The following WLS variants were observed in gnomAD, a reference collection of about 807,000 sequenced individuals.
WLS encodes the protein protein wntless homolog.
In WLS, 23 loss-of-function variants were observed where a neutral mutation model predicts 62.8. The ratio of observed to expected loss-of-function variants is 0.37; its 90% CI spans 0.26 to 0.52. The LOEUF is 0.52. Among genes scored for constraint, WLS ranks in the 20% least tolerant of loss-of-function variants. The pLI is 0.92. For synonymous variants in WLS, 246 were observed against 244.1 expected (o/e 1.01, Z -0.07); for missense variants, 615 against 697.3 (o/e 0.88, Z 1.33).
intron 11 of WLS, among the ~76,000 whole-genome samples, chr1:68,107,112 CATTT>C (rs1449514215): frequency 6.6e-6 from 1 of 152,134 alleles, no homozygotes; most frequent in Admixed American, 6.5e-5. Context: ...TGTGTCTTTC[CATTT>C]ATTTATGAAA....
At chr1:68,148,251 G>A (rs767307033) in intron 7 of WLS, 52 bp from the exon 8 acceptor site, 50 of 1,582,726 alleles carry the variant, frequency 3.2e-5, no homozygotes, top group Middle Eastern at 1.7e-4. Context: ...CAAAGGCAAC[G>A]GGAACTTTCC....
intron 1 of WLS, among the ~76,000 whole-genome samples, chr1:68,201,051 T>G (rs1648986200): frequency 2.0e-5 from 3 of 152,212 alleles, no homozygotes; most frequent in African/African-American, 7.2e-5. Context: ...GTTTAGAAAT[T>G]AGCTTTAAAT....
intron 2 of WLS, among the ~76,000 whole-genome samples, chr1:68,180,247 A>G (rs1647475416): frequency 6.6e-6 from 1 of 151,862 alleles, no homozygotes. Flanking sequence ...AAACAACTTC[A>G]GCTATTAGAA....
intron 11 of WLS, among the ~76,000 whole-genome samples, chr1:68,127,927 G>A (rs1405483815): frequency 2.0e-5 from 3 of 152,134 alleles, no homozygotes; most frequent in African/African-American, 7.2e-5. Context: ...GTGCCACGCA[G>A]TATTAGTTTC....
intron 1 of WLS, among the ~76,000 whole-genome samples, chr1:68,211,399 T>G (rs1220182714): frequency 6.6e-6 from 1 of 151,668 alleles, no homozygotes; most frequent in Non-Finnish European, 1.5e-5. Context: ...CAACAAAATC[T>G]TATTCATCTT....
At chr1:68,139,512 G>T (rs371843861) in intron 10 of WLS, among the ~76,000 whole-genome samples, 1 of 152,164 alleles carries the variant, frequency 6.6e-6, no homozygotes, top group East Asian at 1.9e-4. Context: ...GGGAGGCTAG[G>T]CTGTCACGCA....
chr1:68,181,024 A>G (rs967384855), intron 2 of WLS, among the ~76,000 whole-genome samples: 1 of 152,202 alleles, frequency 6.6e-6, no homozygotes, highest in Non-Finnish European at 1.5e-5. Flanking sequence ...GTTTTTTCCA[A>G]TGTAGAGTCC....
chr1:68,123,870 C>T (rs1646392686), downstream of WLS, among the ~76,000 whole-genome samples: 1 of 152,118 alleles, frequency 6.6e-6, no homozygotes, highest in East Asian at 1.9e-4. Flanking sequence ...TAGAGCTGCC[C>T]CACTTCCCAT....
At chr1:68,170,243 G>T (rs1304104541) in intron 2 of WLS, among the ~76,000 whole-genome samples, 1 of 140,910 alleles carries the variant, frequency 7.1e-6, no homozygotes, top group African/African-American at 2.7e-5. Flanking sequence ...TCCGCTCACT[G>T]CAACCTTCGC....
At chr1:68,214,462 T>G (rs573139665) in intron 1 of WLS, among the ~76,000 whole-genome samples, 1 of 152,220 alleles carries the variant, frequency 6.6e-6, no homozygotes, top group East Asian at 1.9e-4. Context: ...CCTCCCAGTT[T>G]CAAGTGATTC....
chr1:68,137,880 G>C lies in WLS; in HGVS notation c.1416C>G (p.Ala472=), dbSNP rs1286710502. 2 of 1,613,864 alleles carry C rather than the reference G, an allele frequency of 1.2e-6. No individual in the cohort carries two copies. Among genetic ancestry groups the C allele is most frequent in the African/African-American group, 2.7e-5 (2 of 74,886 alleles). ...WGGVTVQVNS[A]FFTGIYGMWN... The stretch of plus-strand genomic sequence containing the variant: ...ACATCCCATAGATGCCTGTGAAAAA[G>C]GCACTGTTCACTTGGACTGTGACGC... The change falls in exon 11 of 12, where the codon GCC becomes GCG. Residue 472 remains alanine, a synonymous_variant. Coordinates refer to ENST00000262348, the MANE Select transcript of WLS (RefSeq NM_024911.7).
chr1:68,219,016 G>C (rs1232304273), intron 1 of WLS, among the ~76,000 whole-genome samples: 2 of 152,164 alleles, frequency 1.3e-5, no homozygotes, highest in African/African-American at 4.8e-5. Flanking sequence ...TCTTCTAAAA[G>C]AAGCCCCTTC....
At position 68,194,193 on chromosome 1, in the gene WLS, C is replaced by T. The variant is rs138852027; in HGVS notation, c.141G>A (p.Ser47=). 2.7e-5 allele frequency: 43 copies of T among 1,614,128 alleles called. 1 individual carries two copies. The Admixed American group carries it at 3.0e-4, about 11-fold the overall frequency. The part of the protein sequence containing the change: ...PGPTTAVSYM[S]VKCVDARKNH... ...TCTTACGGGCATCCACACATTTCAC[C>T]GACATGTAGGACACTGCCGTTGTGG... The change falls in exon 2 of 12, where the codon TCG becomes TCA. Residue 47 remains serine (S), a synonymous_variant. Coordinates refer to ENST00000262348, the MANE Select transcript of WLS (RefSeq NM_024911.7).
At chr1:68,205,578 G>A (rs749048568) in intron 1 of WLS, among the ~76,000 whole-genome samples, 1 of 152,136 alleles carries the variant, frequency 6.6e-6, no homozygotes, top group African/African-American at 2.4e-5. Context: ...GAAAGCAAAT[G>A]GGGGACAAAA....
At chr1:68,172,151 G>T (rs548680081) in intron 2 of WLS, among the ~76,000 whole-genome samples, 212 of 151,340 alleles carry the variant, frequency 1.4e-3, no homozygotes, top group African/African-American at 4.9e-3. Context: ...CATCACACCT[G>T]GGCCTGTTGA....
chr1:68,140,602 C>T (rs1646671641), intron 10 of WLS, among the ~76,000 whole-genome samples: 1 of 152,220 alleles, frequency 6.6e-6, no homozygotes, highest in Admixed American at 6.5e-5. Context: ...CAGACTCATG[C>T]TCCCGTCTCG....
rs2820480 is a variant in WLS at position 68,125,879 on chromosome 1, C to T, written c.*347G>A. On this transcript the variant is annotated 3_prime_UTR_variant, in exon 12 of 12. Coordinates refer to ENST00000262348, the MANE Select transcript of WLS (RefSeq NM_024911.7). ...AATGTCAAATATTCCACTCCCCATT[C>T]GGCCCAAACCATCCCCCAAGGAATA... The T allele has an allele frequency of 6.0e-3, 6,245 of 1,048,436 alleles. 311 individuals carry two copies. The African/African-American group carries it at 0.098, about 16-fold the overall frequency. 64.9% of individuals were successfully genotyped at this position (1,048,436 alleles called of 1,614,324 possible).
At chr1:68,204,103 T>C (rs1005894277) in intron 1 of WLS, among the ~76,000 whole-genome samples, 5 of 152,164 alleles carry the variant, frequency 3.3e-5, no homozygotes, top group African/African-American at 1.2e-4. Context: ...AAATTTAGTA[T>C]TGTACATTGT....
chr1:68,141,674 A>C (rs1413326283), intron 10 of WLS: 1 of 152,176 alleles, frequency 6.6e-6, no homozygotes, highest in Non-Finnish European at 1.5e-5. Flanking sequence ...CCGAGAGTAT[A>C]ATGGGGGTTT....
Sources: allele counts gnomAD v4.1 joint callset (sites outside exome capture counted in the v4.1 genomes callset), GRCh38; gene constraint gnomAD v4.1.1; transcripts MANE v1.5; gene names NCBI Gene and HGNC (gene_info 2026-07-23, HGNC 2026-07-21).